Variants in GNG7 observed in about 807,000 individuals in gnomAD.
GNG7 encodes guanine nucleotide-binding protein G(I)/G(S)/G(O) subunit gamma-7.
GNG7 carries 1 observed loss-of-function variant against 4.0 expected under a neutral mutation model. That is an observed-to-expected ratio of 0.25 (90% CI 0.09 to 1.18). The LOEUF (loss-of-function observed/expected upper bound fraction) is 1.18, where lower values mean the gene tolerates loss of function less well. Ranked by LOEUF, GNG7 falls within the 50% of genes most tolerant of loss-of-function variation. GNG7 has a pLI of 0.50. For synonymous variants in GNG7, 34 were observed against 36.9 expected (o/e 0.92, Z 0.29); for missense variants, 86 against 91.9 (o/e 0.94, Z 0.26).
chr19:2,532,992 C>T (rs900528335), intron 3 of GNG7, among the ~76,000 whole-genome samples: 5 of 151,868 alleles, frequency 3.3e-5, no homozygotes, highest in Admixed American at 2.0e-4. Flanking sequence ...AGGACTTGTA[C>T]GAGATGTTCA....
At chr19:2,525,822 T>G (rs911519601) in intron 3 of GNG7, among the ~76,000 whole-genome samples, 1 of 152,292 alleles carries the variant, frequency 6.6e-6, no homozygotes. Context: ...TGCCTCTTTT[T>G]TTTTTGAGTC....
intron 2 of GNG7, among the ~76,000 whole-genome samples, chr19:2,573,182 C>T (rs918974644): frequency 5.3e-5 from 8 of 151,550 alleles, no homozygotes; most frequent in South Asian, 2.1e-4. Flanking sequence ...CCACCACACC[C>T]GGCTAATTTT....
chr19:2,580,450 C>A (rs752656712), intron 2 of GNG7, among the ~76,000 whole-genome samples: 30 of 149,476 alleles, frequency 2.0e-4, no homozygotes, highest in Non-Finnish European at 3.3e-4. Context: ...TCCACCATGT[C>A]CGGCTAATTT....
At chr19:2,665,318 T>C (rs2144883145) in intron 1 of GNG7, among the ~76,000 whole-genome samples, 1 of 147,928 alleles carries the variant, frequency 6.8e-6, no homozygotes, top group African/African-American at 2.5e-5. Flanking sequence ...CACTTCTCAA[T>C]GGTGACAGCC....
rs1238352799 is a variant in GNG7 at position 2,512,552 on chromosome 19, G to GC, written c.*2469dup. 4.9e-6 allele frequency: 1 copy of GC among 204,946 alleles called. No homozygotes were observed. The highest frequency in any genetic ancestry group is 8.6e-6 in the Non-Finnish European group (1 of 116,452). 12.7% of individuals were successfully genotyped at this position (204,946 alleles called of 1,614,324 possible). A position where few individuals can be genotyped will look rare whatever the true frequency, so the allele number is the denominator to read the frequency against. ...AGCCTCAGTTTACCTGGAACGCTCAGCCCGTTTAACCCCACCATCTGCACC... is the reference window on the plus strand; with the variant it reads ...AGCCTCAGTTTACCTGGAACGCTCAGCCCCGTTTAACCCCACCATCTGCACC... On this transcript the variant is annotated 3_prime_UTR_variant, in exon 5 of 5. Coordinates refer to ENST00000382159, the MANE Select transcript of GNG7 (RefSeq NM_052847.3). The surrounding 1 kb of genome is among the most constrained non-coding windows in gnomAD (Gnocchi z 4.7).
At chr19:2,530,648 A>C (rs1023850371) in intron 3 of GNG7, among the ~76,000 whole-genome samples, 1 of 151,616 alleles carries the variant, frequency 6.6e-6, no homozygotes, top group African/African-American at 2.4e-5. Flanking sequence ...TAAACCCGGG[A>C]GGCAGAGGTT....
intron 1 of GNG7, among the ~76,000 whole-genome samples, chr19:2,658,434 G>A (rs1983052629): frequency 2.0e-5 from 3 of 151,706 alleles, no homozygotes; most frequent in Non-Finnish European, 4.4e-5. Context: ...TAAACAAAAC[G>A]TGGTACATCC....
rs974504767 is a variant in GNG7, at chr19:2,512,306, C to T, written c.*2716G>A. On this transcript the variant is annotated 3_prime_UTR_variant, in exon 5 of 5. Coordinates refer to ENST00000382159, the MANE Select transcript of GNG7 (RefSeq NM_052847.3). This position sits in a 1 kb window ranked among gnomAD's most constrained non-coding sequence, Gnocchi z 4.7. The stretch of plus-strand genomic sequence containing the variant: ...GGTCGGTGTGTGCACTCGGGTGCCA[C>T]GTCTGCAAAGGTATTTTCCACAGTG... The T allele has an allele frequency of 4.2e-5, 41 of 985,552 alleles. No homozygotes were observed. Among genetic ancestry groups the T allele is most frequent in the East Asian group, 1.1e-4 (1 of 8,824 alleles). 61.1% of individuals were successfully genotyped at this position (985,552 alleles called of 1,614,324 possible).
intron 1 of GNG7, among the ~76,000 whole-genome samples, chr19:2,684,073 C>T (rs1428518876): frequency 6.6e-6 from 1 of 151,198 alleles, no homozygotes; most frequent in Non-Finnish European, 1.5e-5. Context: ...GTAATCGCAG[C>T]ACTTGGAGAG....
At chr19:2,535,473 C>A (rs1159910115) in intron 3 of GNG7, among the ~76,000 whole-genome samples, 1 of 150,752 alleles carries the variant, frequency 6.6e-6, no homozygotes, top group African/African-American at 2.4e-5. Context: ...GCACTCCAGC[C>A]TGGGTGACAG....
In GNG7 at chr19:2,609,894, A is replaced by G. The variant is rs1384192114; in HGVS notation, c.-78+36330T>C. 6.6e-6 allele frequency among the ~76,000 whole-genome samples: 1 copy of G among 152,134 alleles called. No homozygotes were observed. The highest frequency in any genetic ancestry group is 2.4e-5 in the African/African-American group (1 of 41,420). On this transcript the variant is annotated intron_variant, in intron 2 of 4. Transcript: ENST00000382159. The surrounding 1 kb of genome is among the most constrained non-coding windows in gnomAD (Gnocchi z 4.4). Reference sequence around the variant, plus strand: ...TTCTGGAGCTCCCTGACCACGAGTGAGGAAATTGAACGGTACAGGAAAAGC... The same window carrying G: ...TTCTGGAGCTCCCTGACCACGAGTGGGGAAATTGAACGGTACAGGAAAAGC...
intron 2 of GNG7, among the ~76,000 whole-genome samples, chr19:2,580,750 C>T (rs1304813670): frequency 1.3e-5 from 2 of 151,716 alleles, no homozygotes; most frequent in Non-Finnish European, 2.9e-5. Flanking sequence ...ACAGGTGCCA[C>T]CAAGCCCAGT....
chr19:2,623,162 C>CA (rs1191658092), intron 2 of GNG7, among the ~76,000 whole-genome samples: 3 of 151,994 alleles, frequency 2.0e-5, no homozygotes, highest in African/African-American at 7.3e-5. Flanking sequence ...CCCATCTCTA[C>CA]AAAAAAATAA....
intron 3 of GNG7, among the ~76,000 whole-genome samples, chr19:2,542,466 C>T (rs1409154282): frequency 6.6e-6 from 1 of 151,982 alleles, no homozygotes; most frequent in African/African-American, 2.4e-5. Flanking sequence ...TGACAGCCAG[C>T]AAGGAAAGGG....
chr19:2,533,911 G>T (rs1342544838), intron 3 of GNG7, among the ~76,000 whole-genome samples: 1 of 152,186 alleles, frequency 6.6e-6, no homozygotes, highest in East Asian at 1.9e-4. Flanking sequence ...AAACACACAT[G>T]AATCATATCA....
At chr19:2,687,631 C>CA (rs1375792673) in intron 1 of GNG7, among the ~76,000 whole-genome samples, 1 of 151,432 alleles carries the variant, frequency 6.6e-6, no homozygotes, top group Non-Finnish European at 1.5e-5. Context: ...AACAAACAAA[C>CA]AAAAAAAAGT....
rs1329890367 is a variant in GNG7, at chr19:2,596,672, C to T, written c.-77-41484G>A. On this transcript the variant is annotated intron_variant, in intron 2 of 4. Coordinates refer to ENST00000382159, the MANE Select transcript of GNG7 (RefSeq NM_052847.3). The stretch of plus-strand genomic sequence containing the variant: ...TGACAAAGTGAGACCCTGTCCCCCC[C>T]CCAAAAAAAAAAGTGGGCAAATATC... 7.5e-5 allele frequency among the ~76,000 whole-genome samples: 11 copies of T among 146,222 alleles called. No individual in the cohort carries two copies. In the East Asian group the frequency reaches 1.9e-3, roughly 25 times the overall value.
chr19:2,664,465 C>T (rs779359622), intron 1 of GNG7, among the ~76,000 whole-genome samples: 4 of 152,092 alleles, frequency 2.6e-5, no homozygotes, highest in Admixed American at 6.5e-5. Context: ...CCAGGCCGGG[C>T]GTGACCTGGA....
intron 3 of GNG7, among the ~76,000 whole-genome samples, chr19:2,551,546 TTTA>T (rs1979319352): frequency 6.8e-6 from 1 of 147,338 alleles, no homozygotes; most frequent in Non-Finnish European, 1.5e-5. Flanking sequence ...TTTATATGTA[TTTA>T]TTAATATATA....
Sources: gnomAD v4.1 joint callset for allele counts (sites outside exome capture counted in the v4.1 genomes callset) on GRCh38, gnomAD v4.1.1 for gene constraint, Gnocchi (gnomAD v3.1) non-coding constraint, MANE v1.5 for transcripts, NCBI Gene and HGNC (gene_info 2026-07-23, HGNC 2026-07-21) for gene names.